Variants in ZNF385A observed in about 807,000 individuals in gnomAD.
The protein encoded by ZNF385A is hematopoietic zinc finger protein.
In ZNF385A, 14 loss-of-function variants were observed where a neutral mutation model predicts 32.1. The observed-to-expected ratio is 0.44, with a 90% confidence interval of 0.29 to 0.68. The LOEUF (loss-of-function observed/expected upper bound fraction) is 0.68. ZNF385A is among the 30% of genes least tolerant of loss of function. ZNF385A has a pLI of 0.14. For missense variants in ZNF385A, 406 were observed against 478.4 expected (o/e 0.85, Z 1.41); for synonymous variants, 197 against 202.7 (o/e 0.97, Z 0.24).
chr12:54,373,818 C>T (rs749520591), intron 3 of ZNF385A, among the ~76,000 whole-genome samples, 155 bp downstream of exon 3: 7 of 151,810 alleles, frequency 4.6e-5, no homozygotes, highest in South Asian at 2.1e-4. Context: ...GGAAATTTTA[C>T]ATCACTGTGC....
At chr12:54,382,410 T>C (rs1307316085) in intron 1 of ZNF385A, among the ~76,000 whole-genome samples, 2 of 152,146 alleles carry the variant, frequency 1.3e-5, no homozygotes, top group Non-Finnish European at 2.9e-5. Context: ...CAAATGTGTG[T>C]CTGGGTCCCT....
At chr12:54,388,046 A>AGAGT (rs749993501), upstream of ZNF385A, among the ~76,000 whole-genome samples, 1 of 140,430 alleles carries the variant, frequency 7.1e-6, no homozygotes, top group Non-Finnish European at 1.6e-5. Context: ...AGTGTGTGTA[A>AGAGT]GTGTGTGTGT....
Position 54,391,110 on chromosome 12 carries a change from G to A in ZNF385A, c.10+125C>T, listed in dbSNP as rs1955629163. 4 of 973,028 alleles carry A rather than the reference G, an allele frequency of 4.1e-6. No individual in the cohort carries two copies. In the Admixed American group the frequency reaches 1.2e-4, roughly 29 times the overall value. 60.3% of individuals were successfully genotyped at this position (973,028 alleles called of 1,614,324 possible). A position where few individuals can be genotyped will look rare whatever the true frequency, so the allele number is the denominator to read the frequency against. On this transcript the variant is annotated intron_variant, in intron 1 of 7. Coordinates refer to the ZNF385A transcript ENST00000338010. Reference sequence around the variant, plus strand: ...GATGTGGAGCCAGATGAAGGGGGAGGGGGAACCGGTCGCTGACGGGCGGCC... The same window carrying A: ...GATGTGGAGCCAGATGAAGGGGGAGAGGGAACCGGTCGCTGACGGGCGGCC...
intron 2 of ZNF385A, among the ~76,000 whole-genome samples, chr12:54,375,171 T>C (rs1954775961): frequency 6.6e-6 from 1 of 151,976 alleles, no homozygotes; most frequent in Non-Finnish European, 1.5e-5. Context: ...CTCCAAAAGC[T>C]CTCAGGGCCT....
intron 2 of ZNF385A, 55 bp downstream of exon 2, chr12:54,375,789 T>G: frequency 2.0e-6 from 3 of 1,511,238 alleles, no homozygotes; most frequent in South Asian, 1.1e-5. Context: ...CTCCCTCAAG[T>G]TCCCCTGCTG....
intron 1 of ZNF385A, among the ~76,000 whole-genome samples, chr12:54,382,188 C>A (rs1955224586): frequency 6.6e-6 from 1 of 151,858 alleles, no homozygotes; most frequent in South Asian, 2.1e-4. Context: ...CTGCCTCAGC[C>A]TCCGGAGTAG....
intron 1 of ZNF385A, among the ~76,000 whole-genome samples, chr12:54,390,592 G>A (rs1006286071): frequency 6.6e-6 from 1 of 152,052 alleles, no homozygotes; most frequent in African/African-American, 2.4e-5. Context: ...TGTGGAGACA[G>A]GCTCTGAGCC....
In ZNF385A at chr12:54,375,890, C is replaced by T. The variant is rs780091648; in HGVS notation, c.152G>A (p.Arg51Gln). The change falls in exon 2 of 7, where the codon CGG becomes CAG. Residue 51 changes from arginine to glutamine, a missense_variant. By Grantham distance (43) the Arg-to-Gln change is conservative. Coordinates refer to ENST00000394313, the MANE Select transcript of ZNF385A (RefSeq NM_015481.3). ...ACAGATATTACAGGAAATGACGGGC[C>T]GCTTGGTCTTGAGCAAGGGTCCCCC... ...TFGGPLLKTK[R>Q]PVISCNICQI... The T allele has an allele frequency of 1.9e-5, 30 of 1,614,088 alleles. No individual in the cohort carries two copies. Among genetic ancestry groups the T allele is most frequent in the South Asian group, 3.3e-5 (3 of 91,082 alleles).
At chr12:54,386,692 C>T (rs997501171), upstream of ZNF385A, among the ~76,000 whole-genome samples, 14 of 152,154 alleles carry the variant, frequency 9.2e-5, no homozygotes, top group African/African-American at 3.4e-4. Context: ...TTGCCCTGCC[C>T]CAGAGCACCA....
At chr12:54,383,082 A>C (rs1955284473) in intron 1 of ZNF385A, among the ~76,000 whole-genome samples, 1 of 152,092 alleles carries the variant, frequency 6.6e-6, no homozygotes, top group Non-Finnish European at 1.5e-5. Context: ...GAATGGCTTG[A>C]ACCCAGGAGG....
intron 1 of ZNF385A, among the ~76,000 whole-genome samples, chr12:54,384,012 G>A (rs1049453307): frequency 6.6e-6 from 1 of 152,158 alleles, no homozygotes; most frequent in African/African-American, 2.4e-5. Context: ...CCACCCAGCC[G>A]TGGACTGCAG....
At chr12:54,375,144 G>A (rs571502253) in intron 2 of ZNF385A, among the ~76,000 whole-genome samples, 1 of 152,184 alleles carries the variant, frequency 6.6e-6, no homozygotes, top group African/African-American at 2.4e-5. Context: ...TCAGCAGAAC[G>A]AGGCTCTGCT....
At chr12:54,388,733 C>T (rs538315751), upstream of ZNF385A, among the ~76,000 whole-genome samples, 3 of 152,242 alleles carry the variant, frequency 2.0e-5, no homozygotes, top group South Asian at 6.2e-4. Flanking sequence ...TAATTAATCT[C>T]TTTTTCCCTT....
intron 1 of ZNF385A, chr12:54,379,081 G>T (rs1465944988): frequency 2.0e-6 from 2 of 983,494 alleles, no homozygotes; most frequent in African/African-American, 3.5e-5. Flanking sequence ...GAGACCCTGG[G>T]GGCCGCGGCT....
At chr12:54,384,854 C>T, upstream of ZNF385A, 1 of 1,153,620 alleles carries the variant, frequency 8.7e-7, no homozygotes, top group Admixed American at 4.7e-5. Flanking sequence ...AGTAAGAGCT[C>T]ATACCTTTTC....
chr12:54,381,698 C>T (rs562232034), intron 1 of ZNF385A, among the ~76,000 whole-genome samples: 2 of 152,344 alleles, frequency 1.3e-5, no homozygotes, highest in African/African-American at 2.4e-5. Context: ...ATGCTACTTA[C>T]TTCAGTCTGG....
intron 1 of ZNF385A, among the ~76,000 whole-genome samples, chr12:54,382,273 A>G (rs1479861042): frequency 2.7e-5 from 4 of 150,856 alleles, no homozygotes; most frequent in Non-Finnish European, 5.9e-5. Context: ...ACGGGGTTTC[A>G]CCATGTTAGC....
intron 1 of ZNF385A, among the ~76,000 whole-genome samples, chr12:54,390,276 AGGGCAG>A (rs1955600157): frequency 1.3e-5 from 2 of 152,102 alleles, no homozygotes; most frequent in South Asian, 4.1e-4. Flanking sequence ...GGCAGGGTGG[AGGGCAG>A]GGGCATGCAG....
chr12:54,389,629 G>A (rs1045970678), upstream of ZNF385A, among the ~76,000 whole-genome samples: 1 of 152,172 alleles, frequency 6.6e-6, no homozygotes, highest in Non-Finnish European at 1.5e-5. Context: ...ACCAGGGAAA[G>A]CACGGCTTAT....
Sources: allele counts gnomAD v4.1 joint callset (sites outside exome capture counted in the v4.1 genomes callset), GRCh38; gene constraint gnomAD v4.1.1; transcripts MANE v1.5; gene names NCBI Gene and HGNC (gene_info 2026-07-23, HGNC 2026-07-21).